MBD5: variants seen among roughly 807,000 people sequenced by gnomAD.
MBD5 encodes methyl-CpG binding domain protein 5.
MBD5 carries 13 observed loss-of-function variants against 117.3 expected under a neutral mutation model. The observed-to-expected ratio is 0.11, with a 90% CI of 0.07 to 0.18. The LOEUF (loss-of-function observed/expected upper bound fraction) is 0.18, where lower values mean the gene tolerates loss of function less well. Among genes scored for constraint, MBD5 ranks in the 10% least tolerant of loss-of-function variants. The probability of loss-of-function intolerance (pLI) is 1.00; values close to 1 mark genes in which losing one functional copy is unlikely to be tolerated. For missense variants in MBD5, 1,879 were observed against 2,093.8 expected (o/e 0.90, Z 2.00); for synonymous variants, 727 against 766.4 (o/e 0.95, Z 0.85).
At chr2:148,446,556 A>T (rs1706532175) in intron 4 of MBD5, among the ~76,000 whole-genome samples, 1 of 151,290 alleles carries the variant, frequency 6.6e-6, no homozygotes, top group African/African-American at 2.4e-5. Context: ...TCTAACACAG[A>T]CCATCTATAT....
At chr2:148,387,865 C>T (rs970968252) in intron 4 of MBD5, among the ~76,000 whole-genome samples, 1 of 151,900 alleles carries the variant, frequency 6.6e-6, no homozygotes, top group Non-Finnish European at 1.5e-5. Flanking sequence ...TATTAAACAT[C>T]TAAATAGTTT....
intron 2 of MBD5, among the ~76,000 whole-genome samples, chr2:148,183,703 T>C (rs1315033030): frequency 1.3e-5 from 2 of 152,158 alleles, no homozygotes; most frequent in African/African-American, 4.8e-5. Flanking sequence ...ACAGCACATT[T>C]TCCCAAGACA....
rs1682285862 is a variant in MBD5, at chr2:148,513,886, G to T, written c.*945G>T. On this transcript the variant is annotated 3_prime_UTR_variant, in exon 14 of 14. Transcript: ENST00000642680. ...CAGAATTGAGGGTTTTTTTGCAAAT[G>T]ATATCTGACAAGGTAAAACTTTCTA... 1 of 152,160 alleles carries T rather than the reference G, an allele frequency of 6.6e-6. No homozygotes were observed. Among genetic ancestry groups the T allele is most frequent in the Non-Finnish European group, 1.5e-5 (1 of 68,026 alleles). 9.4% of individuals were successfully genotyped at this position (152,160 alleles called of 1,614,324 possible).
At position 148,463,817 on chromosome 2, in the gene MBD5, C is replaced by CTATGCA; in HGVS notation, c.298_303dup (p.Cys100_Ile101dup). ...TAAGGCAGATGAAGATGTCACAAAG[C>CTATGCA]TATGCATACATAAAAGAAAAATTAT... is the stretch of plus-strand genomic sequence containing the variant. On this transcript the variant is annotated inframe_insertion, in exon 7 of 14. Coordinates refer to ENST00000642680, the MANE Select transcript of MBD5 (RefSeq NM_001378120.1). The CTATGCA allele has an allele frequency of 3.7e-6, 6 of 1,613,762 alleles. No homozygotes were observed. Among genetic ancestry groups the CTATGCA allele is most frequent in the Non-Finnish European group, 5.1e-6 (6 of 1,179,774 alleles).
At position 148,445,338 on chromosome 2, in the gene MBD5, CAA is replaced by C. The variant is rs1412975409; in HGVS notation, c.-556-12863_-556-12862del. Among the ~76,000 whole-genome samples the C allele has an allele frequency of 1.9e-3, 280 of 150,812 alleles. 11 individuals are homozygous for C. Among genetic ancestry groups the C allele is most frequent in the Middle Eastern group, 0.01 (3 of 294 alleles). On this transcript the variant is annotated intron_variant, in intron 4 of 13. Transcript: ENST00000642680. ...TGTGTGATGTTCCCCTTGCTGTGTC[CAA>C]ATGTTCTCATTGTTCAGTTCTCACC...
intron 1 of MBD5, among the ~76,000 whole-genome samples, chr2:148,038,086 G>T (rs556592831): frequency 1.3e-5 from 2 of 151,544 alleles, no homozygotes; most frequent in South Asian, 4.2e-4. Flanking sequence ...TATAACAACT[G>T]GTATATCTGG....
At chr2:148,068,685 C>T (rs1217060290) in intron 1 of MBD5, 1 of 152,044 alleles carries the variant, frequency 6.6e-6, no homozygotes, top group East Asian at 1.9e-4. Flanking sequence ...TGATAGGTTC[C>T]TTTTTTCTGT....
chr2:148,089,218 G>C (rs1695875381), intron 1 of MBD5, among the ~76,000 whole-genome samples: 2 of 151,890 alleles, frequency 1.3e-5, no homozygotes, highest in South Asian at 4.2e-4. Context: ...TTATTACTAG[G>C]CCTAAGAAAT....
chr2:148,153,211 C>T (rs900403426), intron 1 of MBD5, among the ~76,000 whole-genome samples: 88 of 151,208 alleles, frequency 5.8e-4, no homozygotes, highest in African/African-American at 2.1e-3. Flanking sequence ...CTTAGTTTGG[C>T]TGGCTATGAA....
At chr2:148,474,673 G>A (rs2105683835) in intron 8 of MBD5, among the ~76,000 whole-genome samples, 1 of 152,106 alleles carries the variant, frequency 6.6e-6, no homozygotes, top group Middle Eastern at 3.4e-3. Context: ...TACATGACAA[G>A]AATATAAATA....
chr2:148,474,032 C>G (rs1438146942), intron 8 of MBD5, among the ~76,000 whole-genome samples: 3 of 152,106 alleles, frequency 2.0e-5, no homozygotes, highest in Non-Finnish European at 2.9e-5. Context: ...TCCCAAAGTT[C>G]CCAATTCTCA....
At chr2:148,021,073 G>A (rs1693685087), upstream of MBD5, 1 of 152,844 alleles carries the variant, frequency 6.5e-6, no homozygotes, top group African/African-American at 2.4e-5. Flanking sequence ...TCTTCTACCC[G>A]AACCCCCCCT....
intron 2 of MBD5, among the ~76,000 whole-genome samples, chr2:148,217,335 A>T (rs1444401760): frequency 6.6e-6 from 1 of 152,180 alleles, no homozygotes; most frequent in East Asian, 1.9e-4. Context: ...GCAAGAACAC[A>T]GGCACACCAA....
chr2:148,076,821 G>A (rs924863030), intron 1 of MBD5, among the ~76,000 whole-genome samples: 3 of 152,206 alleles, frequency 2.0e-5, no homozygotes, highest in African/African-American at 7.2e-5. Context: ...ACATTGAAGT[G>A]AATAAAACGC....
intron 4 of MBD5, among the ~76,000 whole-genome samples, chr2:148,423,362 A>C (rs1032670130): frequency 2.0e-5 from 3 of 152,120 alleles, no homozygotes; most frequent in Non-Finnish European, 2.9e-5. Flanking sequence ...AATTCTTTAC[A>C]TTTCAATAAA....
At chr2:148,416,859 G>T (rs186612143) in intron 4 of MBD5, among the ~76,000 whole-genome samples, 1 of 152,190 alleles carries the variant, frequency 6.6e-6, no homozygotes, top group African/African-American at 2.4e-5. Context: ...TTAAAAGTGA[G>T]AATGTGTGGT....
intron 1 of MBD5, among the ~76,000 whole-genome samples, chr2:148,061,117 T>A (rs1486758453): frequency 6.6e-6 from 1 of 152,166 alleles, no homozygotes; most frequent in African/African-American, 2.4e-5. Context: ...ACTGATTTTT[T>A]ATTTTTTTGA....
chr2:148,349,290 TA>T (rs1459168652), intron 4 of MBD5, among the ~76,000 whole-genome samples: 1 of 151,968 alleles, frequency 6.6e-6, no homozygotes, highest in Admixed American at 6.6e-5. Flanking sequence ...AAAATGGGGA[TA>T]ATGGCTAATG....
intron 2 of MBD5, among the ~76,000 whole-genome samples, chr2:148,215,350 A>G (rs1203163784): frequency 6.6e-6 from 1 of 152,222 alleles, no homozygotes; most frequent in African/African-American, 2.4e-5. Context: ...TTGAATTATC[A>G]AAAGGAGTAA....
Sources: allele counts gnomAD v4.1 joint callset (sites outside exome capture counted in the v4.1 genomes callset), GRCh38; gene constraint gnomAD v4.1.1; transcripts MANE v1.5; gene names NCBI Gene and HGNC (gene_info 2026-07-23, HGNC 2026-07-21).